Variants in UBE3D observed in about 807,000 individuals in gnomAD.
The protein encoded by UBE3D is E3 ubiquitin-protein ligase E3D.
A neutral mutation model predicts 49.6 loss-of-function variants in UBE3D; 48 were observed. The ratio of observed to expected loss-of-function variants is 0.97; its 90% CI spans 0.77 to 1.23. The LOEUF (loss-of-function observed/expected upper bound fraction) is 1.23, where lower values mean the gene tolerates loss of function less well. Ranked by LOEUF, UBE3D falls within the 50% of genes most tolerant of loss-of-function variation. The pLI, the probability that UBE3D is intolerant of heterozygous loss-of-function variation, is 0.00. For missense variants in UBE3D, 452 were observed against 468.4 expected (o/e 0.96, Z 0.32); for synonymous variants, 189 against 174.2 (o/e 1.08, Z -0.67).
intron 9 of UBE3D, among the ~76,000 whole-genome samples, chr6:82,928,730 C>G (rs566372286): frequency 2.4e-4 from 36 of 152,246 alleles, no homozygotes; most frequent in African/African-American, 7.9e-4. Context: ...ATGTATAAGG[C>G]AATTTCCATT....
At chr6:82,932,312 A>G (rs1028301193) in intron 9 of UBE3D, among the ~76,000 whole-genome samples, 6 of 152,172 alleles carry the variant, frequency 3.9e-5, no homozygotes, top group African/African-American at 1.4e-4. Flanking sequence ...GACCCATTAA[A>G]TGATACCTAT....
intron 5 of UBE3D, among the ~76,000 whole-genome samples, chr6:83,033,688 C>A (rs756203510): frequency 1.3e-5 from 2 of 152,152 alleles, no homozygotes; most frequent in African/African-American, 4.8e-5. Flanking sequence ...CTAAGGCCTC[C>A]CCCAAACCAG....
At chr6:83,034,871 C>T (rs1367606888) in intron 5 of UBE3D, among the ~76,000 whole-genome samples, 1 of 151,902 alleles carries the variant, frequency 6.6e-6, no homozygotes, top group African/African-American at 2.4e-5. Flanking sequence ...ATCAATTCCA[C>T]TTTATAACTA....
At chr6:83,045,825 T>A (rs1244544578) in intron 3 of UBE3D, among the ~76,000 whole-genome samples, 1 of 152,186 alleles carries the variant, frequency 6.6e-6, no homozygotes, top group Non-Finnish European at 1.5e-5. Flanking sequence ...CCTTTTTTTC[T>A]GTTCCAAGAT....
chr6:83,062,913 A>G (rs1324335426), intron 1 of UBE3D, among the ~76,000 whole-genome samples: 2 of 152,218 alleles, frequency 1.3e-5, no homozygotes, highest in East Asian at 1.9e-4. Context: ...CTTCACTGCA[A>G]ACACAAAAAT....
intron 9 of UBE3D, among the ~76,000 whole-genome samples, chr6:82,920,710 C>A (rs932357363): frequency 6.6e-5 from 10 of 152,166 alleles, no homozygotes; most frequent in African/African-American, 2.4e-4. Context: ...ATGTTAGCCA[C>A]TGCTACTTTT....
chr6:82,924,305 T>C (rs1773585426), intron 9 of UBE3D, among the ~76,000 whole-genome samples: 1 of 152,184 alleles, frequency 6.6e-6, no homozygotes, highest in Non-Finnish European at 1.5e-5. Flanking sequence ...TAGGTTGATA[T>C]GAACGTTTTA....
At chr6:82,990,620 G>A (rs544886156) in intron 8 of UBE3D, among the ~76,000 whole-genome samples, 69 of 152,232 alleles carry the variant, frequency 4.5e-4, no homozygotes, top group Non-Finnish European at 9.1e-4. Context: ...CAGATAAAAG[G>A]TTAAGAATCT....
chr6:83,046,530 T>C (rs913755539), intron 3 of UBE3D, among the ~76,000 whole-genome samples: 3 of 152,160 alleles, frequency 2.0e-5, no homozygotes, highest in Admixed American at 6.5e-5. Context: ...GGCATTCTAC[T>C]GGCACAAAAT....
chr6:82,974,966 C>G (rs1430528410), intron 8 of UBE3D, among the ~76,000 whole-genome samples: 3 of 151,914 alleles, frequency 2.0e-5, no homozygotes, highest in Admixed American at 6.6e-5. Flanking sequence ...TCTTGATGAT[C>G]TGAATAAAAA....
chr6:82,943,847 T>C (rs1412751388), intron 9 of UBE3D, among the ~76,000 whole-genome samples: 3 of 151,876 alleles, frequency 2.0e-5, no homozygotes, highest in South Asian at 4.2e-4. Context: ...AGACTTCACA[T>C]TAAACTCAGT....
At chr6:82,933,320 A>G (rs1360822630) in intron 9 of UBE3D, among the ~76,000 whole-genome samples, 2 of 152,272 alleles carry the variant, frequency 1.3e-5, no homozygotes, top group Non-Finnish European at 2.9e-5. Context: ...AGAGTTAAGA[A>G]AAACGGAATA....
chr6:83,008,332 T>C lies in UBE3D; in HGVS notation c.1010+10641A>G, dbSNP rs548586071. Among the ~76,000 whole-genome samples, 5 of 152,208 alleles carry C rather than the reference T, an allele frequency of 3.3e-5. No homozygotes were observed. In the South Asian group the frequency reaches 8.3e-4, roughly 25 times the overall value. On this transcript the variant is annotated intron_variant, in intron 8 of 9. Transcript: ENST00000369747. ...ATTGGCAGACTTAAACTACAGAAGT[T>C]AATATAGAGTCTAAAGCCAAAAAGT...
chr6:82,966,103 TAA>T (rs1416202138), intron 8 of UBE3D, among the ~76,000 whole-genome samples: 1 of 152,200 alleles, frequency 6.6e-6, no homozygotes, highest in African/African-American at 2.4e-5. Flanking sequence ...TTGGACTAAA[TAA>T]GATCCATATA....
chr6:82,949,412 G>T (rs150053129), intron 9 of UBE3D, among the ~76,000 whole-genome samples: 3 of 151,940 alleles, frequency 2.0e-5, no homozygotes, highest in Non-Finnish European at 2.9e-5. Context: ...TGGACTGGAA[G>T]AATCAATATT....
chr6:82,991,469 T>C (rs1445290530), intron 8 of UBE3D, among the ~76,000 whole-genome samples: 1 of 152,150 alleles, frequency 6.6e-6, no homozygotes, highest in African/African-American at 2.4e-5. Context: ...AGGGGTCAAG[T>C]AGTTTTTTAT....
Position 83,065,821 on chromosome 6 carries a change from C to A in UBE3D, c.-103G>T, listed in dbSNP as rs1449328513. The stretch of plus-strand genomic sequence containing the variant: ...CGTGCGGACCAACCAGCGGCAGCCC[C>A]GCTGCGGCGCAGGCGCCTGTGCCAG... On this transcript the variant is annotated 5_prime_UTR_variant, in exon 1 of 10. Coordinates refer to ENST00000369747, the MANE Select transcript of UBE3D (RefSeq NM_198920.3). 8.2e-6 allele frequency: 10 copies of A among 1,226,780 alleles called. No homozygotes were observed. The highest frequency in any genetic ancestry group is 2.7e-5 in the South Asian group (2 of 73,448). The allele number at this position is 1,226,780 out of a possible 1,614,324, so 76.0% of individuals were successfully genotyped here.
intron 5 of UBE3D, among the ~76,000 whole-genome samples, chr6:83,034,106 T>C (rs184606217): frequency 1.6e-4 from 24 of 152,310 alleles, no homozygotes; most frequent in African/African-American, 5.8e-4. Context: ...TTTAAAATTG[T>C]CCAGTTTTGT....
chr6:82,929,496 C>T (rs758212159), intron 9 of UBE3D, among the ~76,000 whole-genome samples: 10 of 151,676 alleles, frequency 6.6e-5, no homozygotes, highest in African/African-American at 1.9e-4. Context: ...TTTGAAAATT[C>T]CTCTTTCTAA....
Sources: allele counts gnomAD v4.1 joint callset (sites outside exome capture counted in the v4.1 genomes callset), GRCh38; gene constraint gnomAD v4.1.1; transcripts MANE v1.5; gene names NCBI Gene and HGNC (gene_info 2026-07-23, HGNC 2026-07-21).